Variants in SNX13 observed in about 807,000 individuals in gnomAD.
SNX13 encodes the protein sorting nexin 13.
Under a neutral mutation model 133.6 loss-of-function variants are expected in SNX13, and 45 were observed. The ratio of observed to expected loss-of-function variants is 0.34; its 90% CI spans 0.27 to 0.43. SNX13 has a LOEUF of 0.43. Among genes scored for constraint, SNX13 ranks in the 20% least tolerant of loss-of-function variants. SNX13 has a pLI of 1.00. For missense variants in SNX13, 1,032 were observed against 1,145.1 expected (o/e 0.90, Z 1.43); for synonymous variants, 414 against 373.9 (o/e 1.11, Z -1.24).
chr7:17,833,841 T>G (rs1020595309), intron 15 of SNX13, among the ~76,000 whole-genome samples: 1 of 151,700 alleles, frequency 6.6e-6, no homozygotes, highest in African/African-American at 2.4e-5. Flanking sequence ...AATTCAAGGC[T>G]TCTATAGTTA....
Position 17,906,533 on chromosome 7 carries a change from GA to G in SNX13, c.13-9088del, listed in dbSNP as rs528479380. On this transcript the variant is annotated intron_variant, in intron 1 of 25. Coordinates refer to ENST00000428135, the MANE Select transcript of SNX13 (RefSeq NM_015132.5). Reference sequence around the variant, plus strand: ...GTTCCAACTATACTCCCACCTCAAAGAAAAAAAAAATCACACCTCCTTTACT... The same window carrying G: ...GTTCCAACTATACTCCCACCTCAAAGAAAAAAAAATCACACCTCCTTTACT... Among the ~76,000 whole-genome samples the G allele has an allele frequency of 4.3e-3, 639 of 149,016 alleles. 3 individuals are homozygous for G. Among genetic ancestry groups the G allele is most frequent in the African/African-American group, 0.015 (597 of 40,728 alleles).
rs1219261445 is a variant in SNX13 at position 17,821,588 on chromosome 7, T to C, written c.1766A>G (p.Asn589Ser). 1.2e-6 allele frequency: 2 copies of C among 1,613,572 alleles called. No homozygotes were observed. Among genetic ancestry groups the C allele is most frequent in the Admixed American group, 1.7e-5 (1 of 59,962 alleles). ...ALYAITVHRR[N>S]LNSEEMWKTY... ...TTTCCACATCTCCTCACTGTTTAGG[T>C]TGCGCCGGTGTACAGTGATGGCATA... The change falls in exon 18 of 26, where the codon AAC becomes AGC. Residue 589 changes from asparagine (N) to serine (S), a missense_variant. Asn to Ser is a conservative substitution (Grantham distance 46). Transcript: ENST00000428135.
chr7:17,850,304 T>G, intron 11 of SNX13, 43 bp downstream of exon 11: 1 of 1,323,748 alleles, frequency 7.6e-7, no homozygotes. Context: ...CCCTATAGTA[T>G]AGTATTTATA....
intron 9 of SNX13, among the ~76,000 whole-genome samples, chr7:17,852,653 A>C (rs1791368671): frequency 6.6e-6 from 1 of 152,242 alleles, no homozygotes; most frequent in Non-Finnish European, 1.5e-5. Context: ...ATGGAATGTA[A>C]GATCAATGAC....
chr7:17,893,647 T>G (rs896778333), intron 2 of SNX13, among the ~76,000 whole-genome samples: 5 of 152,154 alleles, frequency 3.3e-5, no homozygotes, highest in African/African-American at 1.2e-4. Context: ...CAATAATACT[T>G]TTTAAAGTTT....
intron 15 of SNX13, chr7:17,830,354 C>A (rs1788354564): frequency 1.0e-6 from 1 of 984,090 alleles, no homozygotes; most frequent in African/African-American, 1.7e-5. Flanking sequence ...AAGTAAGTTG[C>A]CTAATACAAT....
intron 8 of SNX13, among the ~76,000 whole-genome samples, chr7:17,870,403 G>A (rs993829201): frequency 7.2e-5 from 11 of 151,930 alleles, no homozygotes; most frequent in African/African-American, 2.7e-4. Flanking sequence ...AACAAAGAAA[G>A]AGCTAAAGGA....
chr7:17,938,192 G>A (rs1802330151), intron 1 of SNX13, among the ~76,000 whole-genome samples: 2 of 152,174 alleles, frequency 1.3e-5, no homozygotes, highest in Admixed American at 6.5e-5. Flanking sequence ...AAAGCAGAAA[G>A]TCTTTTTTAA....
intron 24 of SNX13, among the ~76,000 whole-genome samples, chr7:17,797,224 A>G (rs1583440724): frequency 6.6e-6 from 1 of 151,876 alleles, no homozygotes. Flanking sequence ...GTACATGACT[A>G]TATCACAGCC....
chr7:17,821,740 G>A lies in SNX13; in HGVS notation c.1706-92C>T. ...AGACACAAAAAAGGAGGAAGATGAA[G>A]AAAACAAAAAAGATAATATGAAATG... On this transcript the variant is annotated intron_variant, in intron 17 of 25. Transcript: ENST00000428135. 7 of 1,384,456 alleles carry A rather than the reference G, an allele frequency of 5.1e-6. No individual in the cohort carries two copies. The Admixed American group carries it at 9.5e-5, about 19-fold the overall frequency. 85.8% of individuals were successfully genotyped at this position (1,384,456 alleles called of 1,614,324 possible).
At chr7:17,859,774 T>C (rs1416734242) in intron 9 of SNX13, among the ~76,000 whole-genome samples, 1 of 152,168 alleles carries the variant, frequency 6.6e-6, no homozygotes, top group Non-Finnish European at 1.5e-5. Flanking sequence ...GTGATAAGCT[T>C]ATTTCACTTA....
At chr7:17,868,958 C>A (rs545403180) in intron 8 of SNX13, among the ~76,000 whole-genome samples, 19 of 152,136 alleles carry the variant, frequency 1.2e-4, no homozygotes, top group Non-Finnish European at 2.4e-4. Flanking sequence ...TAAATGTCTA[C>A]TGTATTATTC....
At chr7:17,814,804 GA>G in intron 20 of SNX13, 29 bp downstream of exon 20, 1 of 1,448,978 alleles carries the variant, frequency 6.9e-7, no homozygotes, top group Non-Finnish European at 9.1e-7. Context: ...GACCTAGAAA[GA>G]AACCCAGTGC....
chr7:17,803,881 A>T (rs971240060), intron 20 of SNX13, among the ~76,000 whole-genome samples: 2 of 117,052 alleles, frequency 1.7e-5, no homozygotes, highest in Admixed American at 1.6e-4. Flanking sequence ...CCCCATCTCT[A>T]AAAAAAAAAA....
At position 17,794,262 on chromosome 7, in the gene SNX13, G is replaced by T; in HGVS notation, c.2657C>A (p.Thr886Lys). ...DELKHIIGAE[T>K]TRKGILRVFE... is the part of the protein sequence containing the mutation. The stretch of plus-strand genomic sequence containing the variant: ...AACACGAAGAATACCTTTCCGTGTT[G>T]TCTCAGCCCCAATAATGTGCTTCAG... Residue 886 changes from threonine to lysine, a missense_variant, in exon 26 of 26, where the codon ACA becomes AAA. Thr to Lys is a moderately conservative substitution (Grantham distance 78). Transcript: ENST00000428135. 6.2e-7 allele frequency: 1 copy of T among 1,611,252 alleles called. No homozygotes were observed. The highest frequency in any genetic ancestry group is 8.5e-7 in the Non-Finnish European group (1 of 1,178,308).
intron 16 of SNX13, among the ~76,000 whole-genome samples, chr7:17,829,791 A>T (rs1305148766): frequency 6.6e-6 from 1 of 151,348 alleles, no homozygotes; most frequent in East Asian, 1.9e-4. Context: ...GTATAACCTA[A>T]GCCAATTTTT....
chr7:17,801,461 G>C (rs902366638), intron 22 of SNX13, 127 bp downstream of exon 22: 17 of 683,378 alleles, frequency 2.5e-5, no homozygotes, highest in African/African-American at 1.3e-4. Flanking sequence ...CAGTTTGTAA[G>C]AATTCATCAA....
chr7:17,886,903 G>T (rs2127988057), intron 5 of SNX13, among the ~76,000 whole-genome samples: 1 of 148,756 alleles, frequency 6.7e-6, no homozygotes, highest in African/African-American at 2.5e-5. Flanking sequence ...CAATACCACA[G>T]AAATGATTGT....
Position 17,931,901 on chromosome 7 carries a change from G to A in SNX13, c.12+8383C>T, listed in dbSNP as rs557642921. 8.5e-5 allele frequency among the ~76,000 whole-genome samples: 13 copies of A among 152,268 alleles called. No homozygotes were observed. In the South Asian group the frequency reaches 2.5e-3, roughly 29 times the overall value. ...ACAGTGGAATTACAGATGGGCAAACGACATAACAGTACTCTGTCTCCAACA... is the reference window on the plus strand; with the variant it reads ...ACAGTGGAATTACAGATGGGCAAACAACATAACAGTACTCTGTCTCCAACA... On this transcript the variant is annotated intron_variant, in intron 1 of 25. Transcript: ENST00000428135.
Sources: gnomAD v4.1 joint callset for allele counts (sites outside exome capture counted in the v4.1 genomes callset) on GRCh38, gnomAD v4.1.1 for gene constraint, MANE v1.5 for transcripts, NCBI Gene and HGNC (gene_info 2026-07-23, HGNC 2026-07-21) for gene names.